SETD3: variants seen among roughly 807,000 people sequenced by gnomAD.
The protein encoded by SETD3 is SET domain containing 3, actin N3(tau)-histidine methyltransferase.
SETD3 carries 19 observed loss-of-function variants against 63.0 expected under a neutral mutation model. The ratio of observed to expected loss-of-function variants is 0.30; its 90% CI spans 0.21 to 0.44. The LOEUF is 0.44. SETD3 is among the 20% of genes least tolerant of loss of function. SETD3 has a pLI of 1.00. For synonymous variants in SETD3, 286 were observed against 264.1 expected (o/e 1.08, Z -0.80); for missense variants, 587 against 728.5 (o/e 0.81, Z 2.24).
Position 99,413,375 on chromosome 14 carries a change from C to A in SETD3, c.735-310G>T, listed in dbSNP as rs1186972261. 57 of 310,220 alleles carry A rather than the reference C, an allele frequency of 1.8e-4. 1 individual carries two copies. The East Asian group carries it at 3.7e-3, about 20-fold the overall frequency. The allele number at this position is 310,220 out of a possible 1,614,324, so 19.2% of individuals were successfully genotyped here. A position where few individuals can be genotyped will look rare whatever the true frequency, so the allele number is the denominator to read the frequency against. ...CTCACAAAATCCACTCCCCGACACC[C>A]CCCAACCCAACCCTCTTTTGCCCAA... On this transcript the variant is annotated intron_variant, in intron 7 of 12. Coordinates refer to ENST00000331768, the MANE Select transcript of SETD3 (RefSeq NM_032233.3).
chr14:99,414,783 T>C (rs1566879304), intron 6 of SETD3, among the ~76,000 whole-genome samples: 1 of 7,832 alleles, frequency 1.3e-4, no homozygotes, highest in Non-Finnish European at 3.4e-4. Context: ...AATTACAGTC[T>C]GATAGATTGT....
In SETD3 at chr14:99,473,308, G is replaced by A. The variant is rs116673317; in HGVS notation, c.-9+7420C>T. 7.1e-3 allele frequency among the ~76,000 whole-genome samples: 1,087 copies of A among 152,290 alleles called. 8 individuals carry two copies. The highest frequency in any genetic ancestry group is 0.024 in the African/African-American group (1,002 of 41,536). On this transcript the variant is annotated intron_variant, in intron 1 of 12. Coordinates refer to ENST00000331768, the MANE Select transcript of SETD3 (RefSeq NM_032233.3). ...TAATGTGGGCAGTGGGAGCGGAGGTGGGGTAAGGGGTGCTAAATACCTAAC... is the reference window on the plus strand; with the variant it reads ...TAATGTGGGCAGTGGGAGCGGAGGTAGGGTAAGGGGTGCTAAATACCTAAC...
At chr14:99,426,982 T>C (rs1892916223) in intron 6 of SETD3, among the ~76,000 whole-genome samples, 1 of 152,044 alleles carries the variant, frequency 6.6e-6, no homozygotes, top group South Asian at 2.1e-4. Flanking sequence ...GTAACTCAGG[T>C]GGGGACGCAG....
At chr14:99,481,215 A>C, upstream of SETD3, 1 of 388,596 alleles carries the variant, frequency 2.6e-6, no homozygotes, top group Non-Finnish European at 4.5e-6. Context: ...GACCGACGGG[A>C]TGGGCCCTGT....
Position 99,471,250 on chromosome 14 carries a change from A to G in SETD3, c.-8-5437T>C, listed in dbSNP as rs533422281. 1.2e-4 allele frequency among the ~76,000 whole-genome samples: 18 copies of G among 152,382 alleles called. No individual in the cohort carries two copies. In the South Asian group the frequency reaches 3.7e-3, roughly 32 times the overall value. ...GTTGAGTAAAAGAAAATCTTTGGAT[A>G]GTATATTTGAATATATTGGTGTTAC... On this transcript the variant is annotated intron_variant, in intron 1 of 12. Coordinates refer to ENST00000331768, the MANE Select transcript of SETD3 (RefSeq NM_032233.3).
chr14:99,413,029 T>C lies in SETD3; in HGVS notation c.771A>G (p.Gln257=), dbSNP rs1392346959. 3.7e-6 allele frequency: 6 copies of C among 1,613,926 alleles called. No individual in the cohort carries two copies. The highest frequency in any genetic ancestry group is 2.7e-5 in the African/African-American group (2 of 74,918). Residue 257 remains glutamine, a synonymous_variant, in exon 8 of 13, where the codon CAA becomes CAG. Transcript: ENST00000331768. The part of the protein sequence containing the change: ...AVSSVMTRQN[Q]IPTEDGSRVT... ...CGCGGGAACCATCCTCTGTGGGAAT[T>C]TGGTTTTGCCTCGTCATAACAGAAG...
chr14:99,434,784 T>C (rs1893376450), intron 6 of SETD3, among the ~76,000 whole-genome samples: 2 of 134,700 alleles, frequency 1.5e-5, no homozygotes, highest in Non-Finnish European at 1.5e-5. Flanking sequence ...GAGGGAGAGG[T>C]TGTGATGAGC....
Position 99,462,481 on chromosome 14 carries a change from G to A in SETD3, c.196+1005C>T, listed in dbSNP as rs114763480. On this transcript the variant is annotated intron_variant, in intron 3 of 12. Transcript: ENST00000331768. ...TATGCGAAGATACCTGCTAAATGGC[G>A]AAAATGACCAGAATGAGGAATATTC... Among the ~76,000 whole-genome samples, 407 of 152,300 alleles carry A rather than the reference G, an allele frequency of 2.7e-3. 4 individuals carry two copies. The highest frequency in any genetic ancestry group is 8.8e-3 in the African/African-American group (365 of 41,562).
chr14:99,481,588 G>C, upstream of SETD3: 1 of 396,874 alleles, frequency 2.5e-6, no homozygotes, highest in Non-Finnish European at 4.4e-6. Flanking sequence ...TCTCTTTCCG[G>C]ATTCTGCCTC....
At chr14:99,448,165 C>G (rs1177633204) in intron 6 of SETD3, among the ~76,000 whole-genome samples, 1 of 152,136 alleles carries the variant, frequency 6.6e-6, no homozygotes, top group African/African-American at 2.4e-5. Context: ...AGTGCAGGTA[C>G]CATAAGCCTC....
intron 6 of SETD3, among the ~76,000 whole-genome samples, chr14:99,432,107 A>G (rs1386796092): frequency 1.3e-5 from 2 of 152,134 alleles, no homozygotes; most frequent in Non-Finnish European, 2.9e-5. Context: ...TAAGATTCGT[A>G]TATTTAAGTG....
intron 6 of SETD3, among the ~76,000 whole-genome samples, chr14:99,438,217 CCAT>C (rs1339604639): frequency 1.3e-5 from 2 of 152,214 alleles, no homozygotes; most frequent in East Asian, 3.8e-4. Flanking sequence ...AGACATGCTA[CCAT>C]GTGTGTGTCA....
At chr14:99,483,800 T>C (rs1191414819), upstream of SETD3, among the ~76,000 whole-genome samples, 1 of 152,210 alleles carries the variant, frequency 6.6e-6, no homozygotes, top group Non-Finnish European at 1.5e-5. Flanking sequence ...CCTGGGGAGA[T>C]GTCTTTGGAG....
intron 8 of SETD3, chr14:99,411,866 A>G (rs752528978): frequency 6.6e-6 from 1 of 152,272 alleles, no homozygotes; most frequent in South Asian, 2.1e-4. Flanking sequence ...AAATGGAACT[A>G]TTCTTTCTTG....
At chr14:99,482,130 T>A (rs1013883906), upstream of SETD3, among the ~76,000 whole-genome samples, 2 of 152,234 alleles carry the variant, frequency 1.3e-5, no homozygotes, top group Non-Finnish European at 2.9e-5. Flanking sequence ...CTGCCCAAGA[T>A]AGGCTCGGTA....
chr14:99,476,166 CTGAT>C (rs1895962582), intron 1 of SETD3, among the ~76,000 whole-genome samples: 2 of 152,172 alleles, frequency 1.3e-5, no homozygotes, highest in Non-Finnish European at 2.9e-5. Context: ...CTTACGGAGA[CTGAT>C]TAATTTATGC....
In SETD3 at chr14:99,421,677, C is replaced by T. The variant is rs749162858; in HGVS notation, c.676-7743G>A. Among the ~76,000 whole-genome samples, 2 of 152,100 alleles carry T rather than the reference C, an allele frequency of 1.3e-5. 1 individual carries two copies. Among genetic ancestry groups the T allele is most frequent in the Non-Finnish European group, 2.9e-5 (2 of 68,032 alleles). Reference sequence around the variant, plus strand: ...TCTGTGCCGGGCACTCTATCGAGAACTCTATGTGCATATAATTTAATCATC... The same window carrying T: ...TCTGTGCCGGGCACTCTATCGAGAATTCTATGTGCATATAATTTAATCATC... On this transcript the variant is annotated intron_variant, in intron 6 of 12. Coordinates refer to ENST00000331768, the MANE Select transcript of SETD3 (RefSeq NM_032233.3).
chr14:99,454,207 T>G (rs1182969046), intron 6 of SETD3, among the ~76,000 whole-genome samples: 1 of 152,162 alleles, frequency 6.6e-6, no homozygotes, highest in East Asian at 1.9e-4. Flanking sequence ...CTTTTTTTTT[T>G]TAGATGGGAT....
chr14:99,480,175 C>G (rs3918022), intron 1 of SETD3, among the ~76,000 whole-genome samples: 63,666 of 151,984 alleles, frequency 0.42, 13,827 homozygotes, highest in East Asian at 0.56. Flanking sequence ...CCCCGGGCAC[C>G]CTGGTGGGCA....
Sources: allele counts gnomAD v4.1 joint callset (sites outside exome capture counted in the v4.1 genomes callset), GRCh38; gene constraint gnomAD v4.1.1; transcripts MANE v1.5; gene names NCBI Gene and HGNC (gene_info 2026-07-23, HGNC 2026-07-21).